The following PLSCR4 variants were observed in gnomAD, a reference collection of about 807,000 sequenced individuals.
PLSCR4 encodes Ca(2+)-dependent phospholipid scramblase 4.
Under a neutral mutation model 36.3 loss-of-function variants are expected in PLSCR4, and 25 were observed. The observed-to-expected ratio is 0.69, with a 90% CI of 0.50 to 0.96. The LOEUF is 0.96. PLSCR4 is among the 40% of genes least tolerant of loss of function. PLSCR4 has a pLI of 0.00. For missense variants in PLSCR4, 408 were observed against 414.7 expected (o/e 0.98, Z 0.14); for synonymous variants, 122 against 132.9 (o/e 0.92, Z 0.56).
chr3:146,203,075 T>C (rs1408319073), intron 4 of PLSCR4, among the ~76,000 whole-genome samples: 2 of 152,004 alleles, frequency 1.3e-5, no homozygotes. Flanking sequence ...TTTGACCTCT[T>C]CCCATGAATC....
chr3:146,238,911 A>G (rs922446288), intron 1 of PLSCR4, among the ~76,000 whole-genome samples: 3 of 152,166 alleles, frequency 2.0e-5, no homozygotes, highest in African/African-American at 4.8e-5. Flanking sequence ...AAGTTCATCA[A>G]TGCAGCAGGA....
intron 1 of PLSCR4, among the ~76,000 whole-genome samples, chr3:146,238,647 A>G (rs2036018689): frequency 6.6e-6 from 1 of 152,134 alleles, no homozygotes; most frequent in Admixed American, 6.5e-5. Flanking sequence ...AACTTTCTTG[A>G]TCTCGTAAGA....
rs551475404 is a variant in PLSCR4, at chr3:146,192,408, G to C, written c.*2003C>G. 1.0e-3 allele frequency: 156 copies of C among 150,814 alleles called. 1 individual carries two copies. Among genetic ancestry groups the C allele is most frequent in the African/African-American group, 3.7e-3 (153 of 41,294 alleles). 9.3% of individuals were successfully genotyped at this position (150,814 alleles called of 1,614,324 possible). A position where few individuals can be genotyped will look rare whatever the true frequency, so the allele number is the denominator to read the frequency against. On this transcript the variant is annotated 3_prime_UTR_variant, in exon 9 of 9. Coordinates refer to ENST00000354952, the MANE Select transcript of PLSCR4 (RefSeq NM_020353.3). ...AAAAAGCATGAACGCACAAATTCCAGAGAATTTGTTTTTTAATCAATCCGA... is the reference window on the plus strand; with the variant it reads ...AAAAAGCATGAACGCACAAATTCCACAGAATTTGTTTTTTAATCAATCCGA...
intron 3 of PLSCR4, among the ~76,000 whole-genome samples, chr3:146,213,334 C>CTTTTTTT (rs60242461): frequency 0.014 from 1,715 of 125,390 alleles, 60 homozygotes; most frequent in African/African-American, 0.03. Flanking sequence ...GTAAAATTTC[C>CTTTTTTT]TTTTTTTTTT....
chr3:146,196,018 T>C (rs991209501), intron 7 of PLSCR4, among the ~76,000 whole-genome samples: 2 of 152,220 alleles, frequency 1.3e-5, no homozygotes, highest in African/African-American at 4.8e-5. Flanking sequence ...TTAAGAAGCC[T>C]AGGAAATATT....
intron 3 of PLSCR4, among the ~76,000 whole-genome samples, chr3:146,217,173 T>A (rs1368907201): frequency 6.6e-6 from 1 of 151,988 alleles, no homozygotes; most frequent in Admixed American, 6.6e-5. Flanking sequence ...TAAGAAAAGG[T>A]GAATGGTTGT....
intron 1 of PLSCR4, among the ~76,000 whole-genome samples, chr3:146,226,650 C>T (rs1308296233): frequency 6.6e-6 from 1 of 152,094 alleles, no homozygotes. Flanking sequence ...GGGGTCCAGG[C>T]CTGGAAATCT....
intron 3 of PLSCR4, 26 bp downstream of exon 3, chr3:146,220,789 A>G: frequency 7.3e-7 from 1 of 1,369,028 alleles, no homozygotes; most frequent in East Asian, 2.3e-5. Flanking sequence ...GCAAAGGAGA[A>G]TATCTTTTAT....
chr3:146,224,582 T>C (rs2035351507), intron 1 of PLSCR4, among the ~76,000 whole-genome samples: 1 of 152,044 alleles, frequency 6.6e-6, no homozygotes, highest in African/African-American at 2.4e-5. Context: ...GCGGTGAGTG[T>C]TACAGCTCAT....
chr3:146,197,674 T>C (rs2033820730), intron 6 of PLSCR4, among the ~76,000 whole-genome samples: 1 of 152,152 alleles, frequency 6.6e-6, no homozygotes, highest in Non-Finnish European at 1.5e-5. Context: ...ATTAAGATCT[T>C]CCTGTTTAAT....
chr3:146,235,363 A>T (rs1200133776), intron 1 of PLSCR4, among the ~76,000 whole-genome samples: 1 of 152,002 alleles, frequency 6.6e-6, no homozygotes, highest in Non-Finnish European at 1.5e-5. Flanking sequence ...TCTCTTTTCC[A>T]CCTGCTCCAG....
chr3:146,210,601 C>T (rs562538690), intron 3 of PLSCR4, among the ~76,000 whole-genome samples: 211 of 149,364 alleles, frequency 1.4e-3, no homozygotes, highest in South Asian at 5.8e-3. Context: ...ATTAACAAAA[C>T]ATTTTATTTC....
chr3:146,213,603 G>A (rs1055302154), intron 3 of PLSCR4, among the ~76,000 whole-genome samples: 1 of 152,124 alleles, frequency 6.6e-6, no homozygotes, highest in Non-Finnish European at 1.5e-5. Context: ...GATTACAGGC[G>A]TGAACCACAG....
At chr3:146,213,399 T>C (rs187660326) in intron 3 of PLSCR4, among the ~76,000 whole-genome samples, 1 of 148,982 alleles carries the variant, frequency 6.7e-6, no homozygotes, top group Admixed American at 6.8e-5. Context: ...TGGTGTGATC[T>C]TTGCTTACTG....
chr3:146,236,471 T>C (rs1356885108), intron 1 of PLSCR4, among the ~76,000 whole-genome samples: 1 of 152,202 alleles, frequency 6.6e-6, no homozygotes, highest in Non-Finnish European at 1.5e-5. Context: ...TCATATTGAA[T>C]TCCCAGGTGT....
At position 146,196,750 on chromosome 3, in the gene PLSCR4, G is replaced by A. The variant is rs530088310; in HGVS notation, c.668C>T (p.Ala223Val). ...CPPGVTIGFV[A>V]EHWNLCRAVY... The stretch of plus-strand genomic sequence containing the variant: ...CGCCCTGCACAGGTTCCAATGTTCC[G>A]CAACAAAGCCAATGGTGACACCAGG... The change falls in exon 7 of 9, where the codon GCG becomes GTG. Residue 223 changes from alanine (A) to valine (V), a missense_variant. Physicochemically the swap from Ala to Val is moderately conservative, Grantham distance 64. Transcript: ENST00000354952. 1.1e-4 allele frequency: 178 copies of A among 1,613,748 alleles called. 1 individual carries two copies. The South Asian group carries it at 1.4e-3, about 12-fold the overall frequency.
intron 3 of PLSCR4, among the ~76,000 whole-genome samples, chr3:146,208,040 T>C (rs2034428491): frequency 6.6e-6 from 1 of 151,996 alleles, no homozygotes; most frequent in Non-Finnish European, 1.5e-5. Context: ...AATGATACTA[T>C]AAGGACATAG....
intron 1 of PLSCR4, among the ~76,000 whole-genome samples, chr3:146,224,793 T>C (rs1385667118): frequency 3.3e-5 from 5 of 151,918 alleles, no homozygotes; most frequent in Non-Finnish European, 5.9e-5. Flanking sequence ...AGGGTACTGA[T>C]TGGTGCATTT....
chr3:146,218,737 T>C (rs1264508660), intron 3 of PLSCR4, among the ~76,000 whole-genome samples: 1 of 152,152 alleles, frequency 6.6e-6, no homozygotes, highest in Non-Finnish European at 1.5e-5. Context: ...ATCTCAGACT[T>C]ACGTAAATAA....
Sources: gnomAD v4.1 joint callset for allele counts (sites outside exome capture counted in the v4.1 genomes callset) on GRCh38, gnomAD v4.1.1 for gene constraint, MANE v1.5 for transcripts, NCBI Gene and HGNC (gene_info 2026-07-23, HGNC 2026-07-21) for gene names.